TTYH2: variants seen among roughly 807,000 people sequenced by gnomAD.
TTYH2 encodes the protein tweety family member 2.
TTYH2 carries 49 observed loss-of-function variants against 68.3 expected under a neutral mutation model. That is an observed-to-expected ratio of 0.72 (90% CI 0.57 to 0.91). TTYH2 has a LOEUF of 0.91. Ranked by LOEUF, TTYH2 falls within the 40% of genes least tolerant of loss-of-function variation. The pLI, the probability that TTYH2 is intolerant of heterozygous loss-of-function variation, is 0.00. For synonymous variants in TTYH2, 272 were observed against 300.8 expected (o/e 0.90, Z 0.99); for missense variants, 631 against 700.4 (o/e 0.90, Z 1.12).
At chr17:74,235,536 T>C (rs138491438) in intron 3 of TTYH2, among the ~76,000 whole-genome samples, 103 of 152,342 alleles carry the variant, frequency 6.8e-4, no homozygotes, top group African/African-American at 2.3e-3. Flanking sequence ...CGCTAACCAG[T>C]ACGAGCCCTG....
chr17:74,243,380 C>A lies in TTYH2; in HGVS notation c.642C>A (p.Leu214=), dbSNP rs753069240. ...QTGYVEYYRW[L]SYLLLFILDL... ...TCCCTGCCCCTCTACCCAGGTGGCT[C>A]TCCTACCTCCTGCTCTTTATCCTGG... The change falls in exon 5 of 14, where the codon CTC becomes CTA. Residue 214 remains leucine (L), a synonymous_variant. Coordinates refer to ENST00000269346, the MANE Select transcript of TTYH2 (RefSeq NM_032646.6). 1.2e-6 allele frequency: 2 copies of A among 1,614,182 alleles called. No individual in the cohort carries two copies. The highest frequency in any genetic ancestry group is 1.3e-5 in the African/African-American group (1 of 75,062).
At chr17:74,236,759 CT>C (rs1170836082) in intron 3 of TTYH2, among the ~76,000 whole-genome samples, 1 of 152,182 alleles carries the variant, frequency 6.6e-6, no homozygotes, top group Non-Finnish European at 1.5e-5. Flanking sequence ...GGACTGCCCC[CT>C]GGTTTGAGGG....
At chr17:74,245,513 C>T (rs528364838) in intron 6 of TTYH2, among the ~76,000 whole-genome samples, 4 of 152,336 alleles carry the variant, frequency 2.6e-5, no homozygotes, top group African/African-American at 4.8e-5. Flanking sequence ...CTGTGGTGGC[C>T]GCCCCTCCCA....
chr17:74,244,007 C>T lies in TTYH2; in HGVS notation c.762C>T (p.Leu254=). The T allele has an allele frequency of 6.2e-7, 1 of 1,612,360 alleles. No homozygotes were observed. The highest frequency in any genetic ancestry group is 2.2e-5 in the East Asian group (1 of 44,874). The part of the protein sequence containing the change: ...SMLCCGALSL[L]LSWASLAADG... Reference sequence around the variant, plus strand: ...TGTGCTGTGGGGCACTGAGCCTGCTCCTCAGTTGGGCATCCCTGGCCGCTG... The same window carrying T: ...TGTGCTGTGGGGCACTGAGCCTGCTTCTCAGTTGGGCATCCCTGGCCGCTG... Residue 254 remains leucine (L), a synonymous_variant, in exon 6 of 14, where the codon CTC becomes CTT. Transcript: ENST00000269346.
At position 74,249,100 on chromosome 17, in the gene TTYH2, C is replaced by G. The variant is rs777861176; in HGVS notation, c.874+20C>G. On this transcript the variant is annotated intron_variant, in intron 7 of 13. Transcript: ENST00000269346. The stretch of plus-strand genomic sequence containing the variant: ...GCACAGGTAACTACACACTCTCAGG[C>G]TGCTGCTGTGGATGCATAGGTGGCC... The G allele has an allele frequency of 6.8e-6, 11 of 1,614,054 alleles. No individual in the cohort carries two copies. In the South Asian group the frequency reaches 1.2e-4, roughly 18 times the overall value.
chr17:74,222,261 C>T lies in TTYH2; in HGVS notation c.130-224C>T, dbSNP rs186382092. Among the ~76,000 whole-genome samples, 526 of 152,314 alleles carry T rather than the reference C, an allele frequency of 3.5e-3. 2 individuals are homozygous for T. Among genetic ancestry groups the T allele is most frequent in the Non-Finnish European group, 6.2e-3 (419 of 68,018 alleles). ...CCCCTCCCTCACTGACCACGAGGCC[C>T]ACCACTTGGCCTCATGCCCTGTAAG... On this transcript the variant is annotated intron_variant, in intron 1 of 13. Coordinates refer to ENST00000269346, the MANE Select transcript of TTYH2 (RefSeq NM_032646.6). This position sits in a 1 kb window ranked among gnomAD's most constrained non-coding sequence, Gnocchi z 5.2.
In TTYH2 at chr17:74,239,719, C is replaced by G. The variant is rs978299710; in HGVS notation, c.635+2205C>G. 6.6e-6 allele frequency among the ~76,000 whole-genome samples: 1 copy of G among 152,196 alleles called. No homozygotes were observed. The highest frequency in any genetic ancestry group is 2.4e-5 in the African/African-American group (1 of 41,446). ...GATTGAAGGGACCTTGGCCCCACTC[C>G]CCAGCAGATGGATGCTCATGGGCAA... is the stretch of plus-strand genomic sequence containing the variant. On this transcript the variant is annotated intron_variant, in intron 4 of 13. Transcript: ENST00000269346. This position sits in a 1 kb window ranked among gnomAD's most constrained non-coding sequence, Gnocchi z 5.3.
chr17:74,258,739 T>A (rs2050717680), intron 13 of TTYH2, among the ~76,000 whole-genome samples: 2 of 152,100 alleles, frequency 1.3e-5, no homozygotes, highest in Admixed American at 1.3e-4. Context: ...GCAGCATCCC[T>A]GGCATCTACT....
rs146581359 is a variant in TTYH2, at chr17:74,242,733, G to C, written c.636-641G>C. Among the ~76,000 whole-genome samples, 1,070 of 152,306 alleles carry C rather than the reference G, an allele frequency of 7.0e-3. 5 individuals carry two copies. The highest frequency in any genetic ancestry group is 0.011 in the Non-Finnish European group (768 of 68,022). ...TAAGTTATGGATCCCATCCAGCAAGGGGGCAAGATGGGAGGCCTTGGGGAG... is the reference window on the plus strand; with the variant it reads ...TAAGTTATGGATCCCATCCAGCAAGCGGGCAAGATGGGAGGCCTTGGGGAG... On this transcript the variant is annotated intron_variant, in intron 4 of 13. Transcript: ENST00000269346.
chr17:74,250,236 C>T (rs373524645), intron 9 of TTYH2, 29 bp from the exon 10 acceptor site: 17 of 1,565,920 alleles, frequency 1.1e-5, no homozygotes, highest in African/African-American at 6.5e-5. Flanking sequence ...CACAGCCCCT[C>T]GGCCTCTCTC....
intron 10 of TTYH2, chr17:74,250,615 C>T (rs1487312059): frequency 2.2e-6 from 1 of 449,764 alleles, no homozygotes; most frequent in Non-Finnish European, 4.0e-6. Context: ...ACTGGGGGAC[C>T]CTGAACAATG....
At chr17:74,245,219 C>T (rs1287188172) in intron 6 of TTYH2, among the ~76,000 whole-genome samples, 11 of 152,226 alleles carry the variant, frequency 7.2e-5, no homozygotes. Context: ...GTCTTTGCCT[C>T]CTGCCACCCC....
rs1328774660 is a variant in TTYH2, at chr17:74,257,280, A to C, written c.1525-2849A>C. Among the ~76,000 whole-genome samples the C allele has an allele frequency of 8.5e-5, 13 of 152,336 alleles. No individual in the cohort carries two copies. The South Asian group carries it at 2.7e-3, about 32-fold the overall frequency. ...CTCCCTAGATTTAAGACCTGCCCAGAAACACTTATTGCTTTGGCCAAGTTG... is the reference window on the plus strand; with the variant it reads ...CTCCCTAGATTTAAGACCTGCCCAGCAACACTTATTGCTTTGGCCAAGTTG... On this transcript the variant is annotated intron_variant, in intron 13 of 13. Coordinates refer to ENST00000269346, the MANE Select transcript of TTYH2 (RefSeq NM_032646.6).
rs764286339 is a variant in TTYH2, at chr17:74,253,211, A to G, written c.1390A>G (p.Thr464Ala). The G allele has an allele frequency of 1.9e-6, 3 of 1,613,302 alleles. No individual in the cohort carries two copies. The highest frequency in any genetic ancestry group is 2.5e-6 in the Non-Finnish European group (3 of 1,179,726). Residue 464 changes from threonine to alanine, a missense_variant, in exon 12 of 14, where the codon ACC (threonine) becomes GCC (alanine). By Grantham distance (58) the Thr-to-Ala change is moderately conservative. Transcript: ENST00000269346. ...CTACAGCAGTGGCCTGGGAAGTCAG[A>G]CCAGCCTGCAGCCCCCGGCCCAGAC... ...CSYSSGLGSQ[T>A]SLQPPAQTIS...
In TTYH2 at chr17:74,222,331, TAC is replaced by T. The variant is rs1204011895; in HGVS notation, c.130-152_130-151del. 2.0e-5 allele frequency among the ~76,000 whole-genome samples: 3 copies of T among 152,188 alleles called. No homozygotes were observed. Among genetic ancestry groups the T allele is most frequent in the African/African-American group, 7.2e-5 (3 of 41,436 alleles). On this transcript the variant is annotated intron_variant, in intron 1 of 13. Transcript: ENST00000269346. The surrounding 1 kb of genome is among the most constrained non-coding windows in gnomAD (Gnocchi z 5.2). ...GTGCCTCAGCGCCGGGCCCTCTGTTTACAGAGTAGGAGCTTGAACCCTAGGTG... is the reference window on the plus strand; with the variant it reads ...GTGCCTCAGCGCCGGGCCCTCTGTTTAGAGTAGGAGCTTGAACCCTAGGTG...
At chr17:74,256,008 G>GCGCT (rs1369050439) in intron 13 of TTYH2, among the ~76,000 whole-genome samples, 1 of 152,162 alleles carries the variant, frequency 6.6e-6, no homozygotes, top group Non-Finnish European at 1.5e-5. Flanking sequence ...CCCGGTCATG[G>GCGCT]CGCTTGGTGA....
At chr17:74,243,513 G>C in intron 5 of TTYH2, 44 bp downstream of exon 5, 2 of 1,597,506 alleles carry the variant, frequency 1.3e-6, no homozygotes, top group Non-Finnish European at 1.7e-6. Flanking sequence ...AGCTGGGCAG[G>C]ATGCCATCAT....
intron 6 of TTYH2, chr17:74,247,930 G>T (rs60821290): frequency 0.14 from 21,105 of 152,190 alleles, 1,528 homozygotes; most frequent in Non-Finnish European, 0.15. Context: ...GTGTTATTCC[G>T]CACCCTCGCT....
chr17:74,248,931 A>G, intron 6 of TTYH2, 80 bp from the exon 7 acceptor site: 1 of 1,601,838 alleles, frequency 6.2e-7, no homozygotes, highest in Non-Finnish European at 8.5e-7. Flanking sequence ...GGCTGGGGTG[A>G]TGGGCTCCCG....
Sources: allele counts gnomAD v4.1 joint callset (sites outside exome capture counted in the v4.1 genomes callset), GRCh38; gene constraint gnomAD v4.1.1; non-coding constraint Gnocchi (gnomAD v3.1); transcripts MANE v1.5; gene names NCBI Gene and HGNC (gene_info 2026-07-23, HGNC 2026-07-21).